The following ELOVL4 variants were observed in gnomAD, a reference collection of about 807,000 sequenced individuals.
ELOVL4 encodes the protein ELOVL fatty acid elongase 4.
A neutral mutation model predicts 42.1 loss-of-function variants in ELOVL4; 18 were observed. That is an observed-to-expected ratio of 0.43 (90% CI 0.30 to 0.63). The LOEUF (loss-of-function observed/expected upper bound fraction) is 0.63, where lower values mean the gene tolerates loss of function less well. ELOVL4 is among the 30% of genes least tolerant of loss of function. ELOVL4 has a pLI of 0.15. For synonymous variants in ELOVL4, 117 were observed against 127.0 expected (o/e 0.92, Z 0.53); for missense variants, 299 against 376.2 (o/e 0.79, Z 1.70).
chr6:79,937,586 C>G (rs1774566172), intron 1 of ELOVL4, among the ~76,000 whole-genome samples: 1 of 152,036 alleles, frequency 6.6e-6, no homozygotes, highest in South Asian at 2.1e-4. Flanking sequence ...TGTGATAATA[C>G]ATATAAAACA....
At chr6:79,917,092 A>G (rs963996596) in intron 5 of ELOVL4, among the ~76,000 whole-genome samples, 1 of 151,832 alleles carries the variant, frequency 6.6e-6, no homozygotes, top group African/African-American at 2.4e-5. Context: ...TTCAATTTCA[A>G]TTGGCCCTCC....
intron 1 of ELOVL4, among the ~76,000 whole-genome samples, chr6:79,940,376 G>A (rs1011461036): frequency 2.0e-5 from 3 of 152,080 alleles, no homozygotes; most frequent in Non-Finnish European, 2.9e-5. Flanking sequence ...TTAAAAATTT[G>A]TATTTTGATT....
At chr6:79,931,719 G>C (rs1180825396) in intron 1 of ELOVL4, among the ~76,000 whole-genome samples, 4 of 151,866 alleles carry the variant, frequency 2.6e-5, no homozygotes, top group African/African-American at 9.7e-5. Context: ...AAAAGAGAAA[G>C]AGGCCTCAGC....
chr6:79,946,465 C>A (rs762721275), intron 1 of ELOVL4, among the ~76,000 whole-genome samples: 1 of 152,064 alleles, frequency 6.6e-6, no homozygotes, highest in African/African-American at 2.4e-5. Flanking sequence ...GCTGTAGAGA[C>A]CCCCTTCCTA....
chr6:79,917,777 C>T (rs1774186398), intron 5 of ELOVL4, among the ~76,000 whole-genome samples: 1 of 152,110 alleles, frequency 6.6e-6, no homozygotes, highest in South Asian at 2.1e-4. Flanking sequence ...GCCCAGACTG[C>T]ACCATTGCAC....
At chr6:79,946,544 T>G (rs888867697) in intron 1 of ELOVL4, among the ~76,000 whole-genome samples, 2 of 152,212 alleles carry the variant, frequency 1.3e-5, no homozygotes, top group Non-Finnish European at 2.9e-5. Context: ...CGCAAAGCCA[T>G]TATAGACAAT....
intron 1 of ELOVL4, among the ~76,000 whole-genome samples, chr6:79,928,876 G>A (rs1774395632): frequency 6.6e-6 from 1 of 151,454 alleles, no homozygotes; most frequent in African/African-American, 2.4e-5. Context: ...AGTTGCTGAT[G>A]CCACAAATTA....
intron 2 of ELOVL4, 22 bp from the exon 3 acceptor site, chr6:79,925,054 T>C (rs767857684): frequency 1.3e-6 from 2 of 1,511,848 alleles, no homozygotes; most frequent in Non-Finnish European, 1.8e-6. Flanking sequence ...GTAATAATAT[T>C]TGTAGTAAAG....
chr6:79,920,863 A>G (rs1774240615), intron 4 of ELOVL4, among the ~76,000 whole-genome samples: 1 of 152,066 alleles, frequency 6.6e-6, no homozygotes, highest in Non-Finnish European at 1.5e-5. Context: ...GTAATTTTCC[A>G]CCTGTGGTAT....
chr6:79,928,508 C>T (rs542422001), intron 1 of ELOVL4, among the ~76,000 whole-genome samples: 1 of 152,030 alleles, frequency 6.6e-6, no homozygotes, highest in East Asian at 1.9e-4. Flanking sequence ...TTTTGATGTA[C>T]AGTGTGGTAT....
chr6:79,943,013 CTTTT>C (rs1213478317), intron 1 of ELOVL4, among the ~76,000 whole-genome samples: 1 of 144,182 alleles, frequency 6.9e-6, no homozygotes, highest in Non-Finnish European at 1.5e-5. Flanking sequence ...TTCTTTCTTT[CTTTT>C]TTTTTTTTAA....
intron 3 of ELOVL4, among the ~76,000 whole-genome samples, chr6:79,924,173 T>C (rs1168859604): frequency 6.6e-6 from 1 of 152,226 alleles, no homozygotes; most frequent in Admixed American, 6.5e-5. Flanking sequence ...ACTAGTGTTT[T>C]ATTTTTCTGC....
chr6:79,932,892 C>CT (rs10571171), intron 1 of ELOVL4, among the ~76,000 whole-genome samples: 2 of 152,032 alleles, frequency 1.3e-5, no homozygotes, highest in South Asian at 4.1e-4. Flanking sequence ...GACATTTGAA[C>CT]TTTTTTTCAA....
intron 1 of ELOVL4, among the ~76,000 whole-genome samples, chr6:79,930,443 T>A (rs1161373649): frequency 6.6e-6 from 1 of 152,198 alleles, no homozygotes; most frequent in East Asian, 1.9e-4. Context: ...TTGGATGAAA[T>A]TCCTCCATGT....
intron 1 of ELOVL4, among the ~76,000 whole-genome samples, chr6:79,942,447 T>TGCCTAATTCAGAATA (rs1774664405): frequency 3.3e-5 from 5 of 152,204 alleles, no homozygotes; most frequent in Admixed American, 2.6e-4. Flanking sequence ...GGTGTGCTAA[T>TGCCTAATTCAGAATA]ATATGCCTAA....
At chr6:79,937,771 T>C (rs1222416705) in intron 1 of ELOVL4, among the ~76,000 whole-genome samples, 1 of 152,248 alleles carries the variant, frequency 6.6e-6, no homozygotes, top group African/African-American at 2.4e-5. Context: ...TCTAGCTATG[T>C]AGCTTTGAGT....
Position 79,925,019 on chromosome 6 carries a change from G to A in ELOVL4, c.302C>T (p.Ser101Leu). The change falls in exon 3 of 6, where the codon TCA becomes TTA. Residue 101 changes from serine to leucine, a missense_variant. Transcript: ENST00000369816. ...AATATAGCTATATCCCGCATTATAT[G>A]ATCCCATGAATAACTGGAAAAAGAG... ...LFIFRELFMG[S>L]YNAGYSYICQ... 6.2e-7 allele frequency: 1 copy of A among 1,601,732 alleles called. No individual in the cohort carries two copies. Among genetic ancestry groups the A allele is most frequent in the Non-Finnish European group, 8.6e-7 (1 of 1,169,088 alleles).
intron 3 of ELOVL4, among the ~76,000 whole-genome samples, chr6:79,923,705 C>G (rs1275264071): frequency 6.6e-6 from 1 of 152,132 alleles, no homozygotes; most frequent in East Asian, 1.9e-4. Context: ...ATGCCAGCCC[C>G]ACAAAGGCAG....
At chr6:79,919,660 C>A in intron 4 of ELOVL4, 113 bp from the exon 5 acceptor site, 1 of 966,940 alleles carries the variant, frequency 1.0e-6, no homozygotes, top group South Asian at 1.6e-5. Context: ...ATCTTGAGTA[C>A]AGATTAGAAA....
Sources: allele counts gnomAD v4.1 joint callset (sites outside exome capture counted in the v4.1 genomes callset), GRCh38; gene constraint gnomAD v4.1.1; transcripts MANE v1.5; gene names NCBI Gene and HGNC (gene_info 2026-07-23, HGNC 2026-07-21).